Variants in ITGA9 observed in about 807,000 individuals in gnomAD.
ITGA9 encodes the protein integrin subunit alpha 9.
ITGA9 carries 56 observed loss-of-function variants against 127.8 expected under a neutral mutation model. The ratio of observed to expected loss-of-function variants is 0.44; its 90% CI spans 0.35 to 0.55. The LOEUF is 0.55. ITGA9 is among the 20% of genes least tolerant of loss of function. The pLI is 0.00. For missense variants in ITGA9, 1,196 were observed against 1,347.1 expected (o/e 0.89, Z 1.76); for synonymous variants, 508 against 514.5 (o/e 0.99, Z 0.17).
intron 16 of ITGA9, among the ~76,000 whole-genome samples, chr3:37,636,127 A>T (rs1003730977): frequency 3.3e-5 from 5 of 152,168 alleles, no homozygotes; most frequent in Non-Finnish European, 5.9e-5. Context: ...CATGATTTAT[A>T]ATCCTTTGGG....
chr3:37,638,451 G>GGAA (rs1172909756), intron 16 of ITGA9, among the ~76,000 whole-genome samples: 185 of 127,616 alleles, frequency 1.4e-3, no homozygotes, highest in Non-Finnish European at 2.5e-3. Flanking sequence ...TGATTATGGG[G>GGAA]AAAAAAAAAA....
At chr3:37,683,779 G>GT in intron 17 of ITGA9, 86 bp from the exon 18 acceptor site, 1 of 1,386,456 alleles carries the variant, frequency 7.2e-7, no homozygotes, top group African/African-American at 1.4e-5. Context: ...CTCGGTTTCT[G>GT]CCCCCCACCT....
At chr3:37,475,463 G>A (rs1347225666) in intron 3 of ITGA9, among the ~76,000 whole-genome samples, 1 of 152,222 alleles carries the variant, frequency 6.6e-6, no homozygotes, top group Non-Finnish European at 1.5e-5. Context: ...TCACAAAGGA[G>A]TCATTTCTGG....
intron 18 of ITGA9, among the ~76,000 whole-genome samples, chr3:37,685,071 G>C (rs533073026): frequency 1.9e-4 from 29 of 152,306 alleles, no homozygotes; most frequent in African/African-American, 6.7e-4. Flanking sequence ...AATATTTACA[G>C]CATTGAACGG....
At chr3:37,748,490 G>C in intron 22 of ITGA9, 1 of 544,190 alleles carries the variant, frequency 1.8e-6, no homozygotes, top group East Asian at 4.0e-5. Context: ...GCTCACGCCT[G>C]TAATCCTAAC....
rs140918605 is a variant in ITGA9 at position 37,507,351 on chromosome 3, A to G, written c.829-1208A>G. 3.1e-3 allele frequency among the ~76,000 whole-genome samples: 473 copies of G among 152,296 alleles called. 4 individuals carry two copies. The highest frequency in any genetic ancestry group is 0.011 in the African/African-American group (440 of 41,566). ...CTCTGTAGAAATGGTAAAAATGCCTACGTCTAGTTCACAGTGATGCGGGTG... is the reference window on the plus strand; with the variant it reads ...CTCTGTAGAAATGGTAAAAATGCCTGCGTCTAGTTCACAGTGATGCGGGTG... On this transcript the variant is annotated intron_variant, in intron 7 of 27. Coordinates refer to ENST00000264741, the MANE Select transcript of ITGA9 (RefSeq NM_002207.3).
chr3:37,545,034 C>T (rs988993174), intron 15 of ITGA9, among the ~76,000 whole-genome samples: 1 of 152,230 alleles, frequency 6.6e-6, no homozygotes, highest in Non-Finnish European at 1.5e-5. Context: ...CCCCGGCTTA[C>T]TGGCTGTGGG....
chr3:37,538,724 G>A (rs1255076621), intron 14 of ITGA9, among the ~76,000 whole-genome samples: 1 of 152,224 alleles, frequency 6.6e-6, no homozygotes, highest in Non-Finnish European at 1.5e-5. Context: ...TCCGCTCAGG[G>A]CTTTGGAATG....
At chr3:37,467,526 G>A (rs1272607598) in intron 1 of ITGA9, among the ~76,000 whole-genome samples, 2 of 152,170 alleles carry the variant, frequency 1.3e-5, no homozygotes, top group African/African-American at 2.4e-5. Context: ...TGAATTTGGA[G>A]CCATGGCATT....
chr3:37,638,971 A>G (rs950686053), intron 16 of ITGA9, among the ~76,000 whole-genome samples: 1 of 152,212 alleles, frequency 6.6e-6, no homozygotes, highest in Admixed American at 6.5e-5. Context: ...GGGTTCCAGG[A>G]TAGGGCTTTG....
In ITGA9 at chr3:37,740,300, CTT is replaced by C. The variant is rs780598190; in HGVS notation, c.2235-1427_2235-1426del. ...CCAGCCTCAGCAGGTCTAGGGGACTCTTTTCTTCCGCCCATGCAGGGTGAACT... is the reference window on the plus strand; with the variant it reads ...CCAGCCTCAGCAGGTCTAGGGGACTCTTCTTCCGCCCATGCAGGGTGAACT... On this transcript the variant is annotated intron_variant, in intron 20 of 27. Coordinates refer to ENST00000264741, the MANE Select transcript of ITGA9 (RefSeq NM_002207.3). 1.4e-3 allele frequency among the ~76,000 whole-genome samples: 220 copies of C among 152,186 alleles called. 1 individual carries two copies. Among genetic ancestry groups the C allele is most frequent in the Non-Finnish European group, 2.4e-3 (166 of 67,998 alleles).
At chr3:37,522,062 C>A (rs892732441) in intron 11 of ITGA9, among the ~76,000 whole-genome samples, 2 of 152,018 alleles carry the variant, frequency 1.3e-5, no homozygotes. Flanking sequence ...TGAAAACTCC[C>A]CCCTCCTTGC....
intron 15 of ITGA9, among the ~76,000 whole-genome samples, chr3:37,623,991 G>A (rs1258773469): frequency 1.3e-5 from 2 of 152,012 alleles, no homozygotes; most frequent in Non-Finnish European, 2.9e-5. Context: ...AAAGGATGGA[G>A]GATGGAGGGG....
intron 15 of ITGA9, among the ~76,000 whole-genome samples, chr3:37,584,617 T>C (rs1193609914): frequency 6.6e-6 from 1 of 152,028 alleles, no homozygotes; most frequent in Non-Finnish European, 1.5e-5. Context: ...TATCTGGGCA[T>C]GGTGGCATGT....
At chr3:37,791,857 C>T (rs1013631005) in intron 26 of ITGA9, among the ~76,000 whole-genome samples, 4 of 152,196 alleles carry the variant, frequency 2.6e-5, no homozygotes, top group Non-Finnish European at 1.5e-5. Flanking sequence ...ATGCCACTTA[C>T]CATTCCTTTG....
chr3:37,596,855 G>C (rs1037031445), intron 15 of ITGA9, among the ~76,000 whole-genome samples: 1 of 152,174 alleles, frequency 6.6e-6, no homozygotes, highest in African/African-American at 2.4e-5. Context: ...GGAGGTCAGC[G>C]TGCAATGCCA....
intron 18 of ITGA9, among the ~76,000 whole-genome samples, chr3:37,708,168 C>G (rs1256086884): frequency 6.6e-6 from 1 of 152,168 alleles, no homozygotes; most frequent in Non-Finnish European, 1.5e-5. Flanking sequence ...TGGTTAGCTG[C>G]AGGTCAGCTG....
chr3:37,641,324 TTA>T (rs1356847894), intron 16 of ITGA9, among the ~76,000 whole-genome samples: 2 of 151,828 alleles, frequency 1.3e-5, no homozygotes, highest in African/African-American at 4.8e-5. Flanking sequence ...CATGGAAAAA[TTA>T]TCTTTCACAA....
chr3:37,492,147 A>G (rs1288459070), intron 4 of ITGA9, among the ~76,000 whole-genome samples: 2 of 152,252 alleles, frequency 1.3e-5, no homozygotes, highest in Non-Finnish European at 2.9e-5. Context: ...TGACAGTCAC[A>G]GAAGTTTCTG....
Sources: allele counts gnomAD v4.1 joint callset (sites outside exome capture counted in the v4.1 genomes callset), GRCh38; gene constraint gnomAD v4.1.1; transcripts MANE v1.5; gene names NCBI Gene and HGNC (gene_info 2026-07-23, HGNC 2026-07-21).